ADGB: variants seen among roughly 807,000 people sequenced by gnomAD.
ADGB encodes calpain-7-like protein.
Under a neutral mutation model 210.5 loss-of-function variants are expected in ADGB, and 172 were observed. The observed-to-expected ratio is 0.82, with a 90% CI of 0.72 to 0.93. ADGB has a LOEUF of 0.93. ADGB is among the 40% of genes least tolerant of loss of function. ADGB has a pLI of 0.00. For synonymous variants in ADGB, 658 were observed against 662.7 expected (o/e 0.99, Z 0.11); for missense variants, 2,025 against 1,964.8 (o/e 1.03, Z -0.58).
rs375193603 is a variant in ADGB, at chr6:146,691,200, C to A, written c.1396C>A (p.Pro466Thr). 1.0e-5 allele frequency: 16 copies of A among 1,549,444 alleles called. No homozygotes were observed. Among genetic ancestry groups the A allele is most frequent in the Non-Finnish European group, 1.4e-5 (16 of 1,146,370 alleles). ...GCTGGTGACTAGAAGTAGGTCTTGT[C>A]CTCTGGTAGCACCACCAAAACCACC... ...PVLVTRSRSC[P>T]LVAPPKPPPL... The change falls in exon 11 of 36, where the codon CCT (proline) becomes ACT (threonine). Residue 466 changes from proline to threonine, a missense_variant. Physicochemically the swap from Pro to Thr is conservative, Grantham distance 38. Coordinates refer to ENST00000397944, the MANE Select transcript of ADGB (RefSeq NM_024694.4).
chr6:146,733,450 T>C (rs1277995655), intron 21 of ADGB, among the ~76,000 whole-genome samples, 195 bp downstream of exon 21: 2 of 152,070 alleles, frequency 1.3e-5, no homozygotes, highest in Non-Finnish European at 2.9e-5. Flanking sequence ...CCACATATAC[T>C]TCTAGGGGAG....
chr6:146,626,902 C>T (rs2114849575), intron 1 of ADGB, among the ~76,000 whole-genome samples: 1 of 151,826 alleles, frequency 6.6e-6, no homozygotes, highest in East Asian at 1.9e-4. Flanking sequence ...TATTTGACTA[C>T]TTTAAGTTAT....
chr6:146,606,390 T>C (rs1780629868), intron 1 of ADGB, among the ~76,000 whole-genome samples: 1 of 152,228 alleles, frequency 6.6e-6, no homozygotes, highest in South Asian at 2.1e-4. Flanking sequence ...GGAGAAGCTC[T>C]TTAGTTTAAT....
At chr6:146,743,383 CTTGGG>C (rs1297294500) in intron 25 of ADGB, among the ~76,000 whole-genome samples, 10 of 152,096 alleles carry the variant, frequency 6.6e-5, no homozygotes, top group Non-Finnish European at 1.5e-4. Context: ...AGCATACCTC[CTTGGG>C]TTGGGATGGG....
In ADGB at chr6:146,764,086, A is replaced by C; in HGVS notation, c.3736A>C (p.Ser1246Arg). 1 of 1,547,144 alleles carries C rather than the reference A, an allele frequency of 6.5e-7. No homozygotes were observed. Among genetic ancestry groups the C allele is most frequent in the Non-Finnish European group, 8.7e-7 (1 of 1,144,828 alleles). Residue 1246 changes from serine (S) to arginine (R), a missense_variant, in exon 28 of 36, where the codon AGC (serine) becomes CGC (arginine). Physicochemically the swap from Ser to Arg is moderately radical, Grantham distance 110. Coordinates refer to ENST00000397944, the MANE Select transcript of ADGB (RefSeq NM_024694.4). ...TSTPTREDSS[S>R]TPLQNYKYII... is the part of the protein sequence containing the mutation. ...TACACCCACTAGAGAAGACAGTTCC[A>C]GCACACCACTGCAGGTATATTAAAA...
At chr6:146,705,752 C>A (rs1776561044) in intron 13 of ADGB, among the ~76,000 whole-genome samples, 1 of 151,970 alleles carries the variant, frequency 6.6e-6, no homozygotes, top group African/African-American at 2.4e-5. Flanking sequence ...CTTATAGTGT[C>A]CTTGTCTGGC....
At chr6:146,680,088 C>A (rs1375932437) in intron 9 of ADGB, among the ~76,000 whole-genome samples, 2 of 152,134 alleles carry the variant, frequency 1.3e-5, no homozygotes, top group East Asian at 3.9e-4. Flanking sequence ...GCTAGCTTTT[C>A]ACAATTTCCT....
rs1481354286 is a variant in ADGB at position 146,726,202 on chromosome 6, G to C, written c.2352+5G>C. ...GTACTGCCCAACTTTGAACCAGTAA[G>C]TATTTTTGCAACAGCAAGTTATTTA... On this transcript the variant is annotated splice_donor_5th_base_variant and intron_variant, in intron 19 of 35. Coordinates refer to ENST00000397944, the MANE Select transcript of ADGB (RefSeq NM_024694.4). The C allele has an allele frequency of 6.6e-7, 1 of 1,525,592 alleles. No homozygotes were observed. The highest frequency in any genetic ancestry group is 1.7e-4 in the Middle Eastern group (1 of 5,942). The allele number at this position is 1,525,592 out of a possible 1,614,324, so 94.5% of individuals were successfully genotyped here.
intron 12 of ADGB, among the ~76,000 whole-genome samples, chr6:146,697,628 G>GA (rs907808501): frequency 5.9e-5 from 9 of 151,712 alleles, no homozygotes; most frequent in African/African-American, 2.2e-4. Context: ...AAAAAAATGG[G>GA]AAAAAAAAGT....
intron 6 of ADGB, among the ~76,000 whole-genome samples, chr6:146,666,319 T>C (rs1208698915): frequency 6.6e-6 from 1 of 152,080 alleles, no homozygotes; most frequent in African/African-American, 2.4e-5. Flanking sequence ...AGATCCACTC[T>C]TCTGTACAGG....
intron 27 of ADGB, among the ~76,000 whole-genome samples, chr6:146,757,259 T>A (rs997042253): frequency 7.2e-5 from 11 of 152,004 alleles, no homozygotes; most frequent in African/African-American, 2.4e-4. Context: ...TATTTTAGAA[T>A]AAACCCTAGT....
At chr6:146,687,368 C>A (rs1366078022) in intron 10 of ADGB, among the ~76,000 whole-genome samples, 1 of 152,056 alleles carries the variant, frequency 6.6e-6, no homozygotes, top group Non-Finnish European at 1.5e-5. Flanking sequence ...AATGCTCTAA[C>A]TCATTGGACT....
At chr6:146,654,320 TTATA>T (rs34737176) in intron 4 of ADGB, 114 bp downstream of exon 4, 3,741 of 336,782 alleles carry the variant, frequency 0.011, no homozygotes, top group South Asian at 0.015. Context: ...AGTTTTGGTA[TTATA>T]TATATATATA....
At chr6:146,760,796 GC>G (rs1777477977) in intron 27 of ADGB, among the ~76,000 whole-genome samples, 1 of 151,610 alleles carries the variant, frequency 6.6e-6, no homozygotes, top group African/African-American at 2.4e-5. Flanking sequence ...CATCATTCTA[GC>G]TTATATATTG....
rs189922077 is a variant in ADGB at position 146,733,042 on chromosome 6, A to T, written c.2521-78A>T. On this transcript the variant is annotated intron_variant, in intron 20 of 35. Coordinates refer to ENST00000397944, the MANE Select transcript of ADGB (RefSeq NM_024694.4). ...AATGGTTTTTATTTTTTATTTTTAG[A>T]GTATCTAAAAATTTTTTAGAGCTTC... 1,314 of 1,069,160 alleles carry T rather than the reference A, an allele frequency of 1.2e-3. 3 individuals are homozygous for T. Among genetic ancestry groups the T allele is most frequent in the Non-Finnish European group, 1.5e-3 (1,193 of 793,340 alleles). The allele number at this position is 1,069,160 out of a possible 1,614,324, so 66.2% of individuals were successfully genotyped here.
chr6:146,773,973 G>T (rs1332999834), intron 29 of ADGB, among the ~76,000 whole-genome samples: 2 of 152,052 alleles, frequency 1.3e-5, no homozygotes, highest in South Asian at 2.1e-4. Flanking sequence ...TAAGAAACTT[G>T]CTCTCAGTCA....
In ADGB at chr6:146,701,057, A is replaced by T; in HGVS notation, c.1694A>T (p.Lys565Ile). The T allele has an allele frequency of 6.4e-7, 1 of 1,550,402 alleles. No homozygotes were observed. The highest frequency in any genetic ancestry group is 2.4e-5 in the East Asian group (1 of 40,836). ...CAGACAGACTTGAGTCAAATAACAAAAGCTACATCTCAGGTGACTATGTTA... is the reference window on the plus strand; with the variant it reads ...CAGACAGACTTGAGTCAAATAACAATAGCTACATCTCAGGTGACTATGTTA... ...HSQTDLSQIT[K>I]ATSQGNTASQ... Residue 565 changes from lysine (K) to isoleucine (I), a missense_variant, in exon 13 of 36, where the codon AAA becomes ATA. Transcript: ENST00000397944.
At chr6:146,716,307 G>GAACAAATTCATCAA in intron 14 of ADGB, among the ~76,000 whole-genome samples, 8 of 147,158 alleles carry the variant, frequency 5.4e-5, no homozygotes, top group African/African-American at 2.2e-4. Context: ...AAGAATCTGT[G>GAACAAATTCATCAA]AGGGCCGGGC....
chr6:146,807,498 T>C (rs745630369), intron 35 of ADGB: 28 of 1,551,562 alleles, frequency 1.8e-5, no homozygotes, highest in Non-Finnish European at 2.4e-5. Flanking sequence ...GGAAGCTCTC[T>C]CTGCTCAGGA....
Sources: allele counts gnomAD v4.1 joint callset (sites outside exome capture counted in the v4.1 genomes callset), GRCh38; gene constraint gnomAD v4.1.1; transcripts MANE v1.5; gene names NCBI Gene and HGNC (gene_info 2026-07-23, HGNC 2026-07-21).